Variants in DNAJB12 observed in about 807,000 individuals in gnomAD.
DNAJB12 encodes DnaJ heat shock protein family (Hsp40) member B12.
In DNAJB12, 14 loss-of-function variants were observed where a neutral mutation model predicts 40.6. The ratio of observed to expected loss-of-function variants is 0.34; its 90% CI spans 0.23 to 0.54. DNAJB12 has a LOEUF of 0.54. Among genes scored for constraint, DNAJB12 ranks in the 20% least tolerant of loss-of-function variants. The pLI, the probability that DNAJB12 is intolerant of heterozygous loss-of-function variation, is 0.92. For synonymous variants in DNAJB12, 181 were observed against 199.5 expected, an observed-to-expected ratio of 0.91 and a Z score of 0.78; for missense variants, 444 against 501.7, an observed-to-expected ratio of 0.89 and a Z score of 1.10.
intron 1 of DNAJB12, among the ~76,000 whole-genome samples, chr10:72,351,475 C>T (rs1026121915): frequency 6.6e-6 from 1 of 152,258 alleles, no homozygotes; most frequent in African/African-American, 2.4e-5. Context: ...CAAGACCATC[C>T]TCTGCCCATG....
intron 2 of DNAJB12, among the ~76,000 whole-genome samples, chr10:72,344,682 G>C (rs576502583): frequency 1.1e-4 from 16 of 152,372 alleles, no homozygotes; most frequent in Admixed American, 3.9e-4. Flanking sequence ...CAGCGGCAGA[G>C]GAAGCCGGCA....
chr10:72,353,849 T>C (rs532751456), intron 1 of DNAJB12: 2 of 152,332 alleles, frequency 1.3e-5, no homozygotes, highest in South Asian at 4.1e-4. Flanking sequence ...GAGTGCCTGT[T>C]ATTCCCAGAC....
chr10:72,354,655 T>C (rs2132013304), intron 1 of DNAJB12, 110 bp downstream of exon 1: 4 of 1,066,656 alleles, frequency 3.8e-6, no homozygotes, highest in Non-Finnish European at 5.3e-6. Flanking sequence ...TGCGCAGGCG[T>C]AGCCGCGCCT....
intron 1 of DNAJB12, among the ~76,000 whole-genome samples, chr10:72,345,689 A>T (rs888734399): frequency 2.0e-5 from 3 of 151,586 alleles, no homozygotes; most frequent in Admixed American, 2.0e-4. Context: ...CCCGGCCAAC[A>T]TGGTGAAACT....
rs770847039 is a variant in DNAJB12 at position 72,334,284 on chromosome 10, G to A, written c.*364C>T. The A allele has an allele frequency of 9.4e-5, 41 of 438,010 alleles. No homozygotes were observed. Among genetic ancestry groups the A allele is most frequent in the Non-Finnish European group, 1.5e-4 (38 of 246,048 alleles). 27.1% of individuals were successfully genotyped at this position (438,010 alleles called of 1,614,324 possible). On this transcript the variant is annotated 3_prime_UTR_variant, in exon 9 of 9. Coordinates refer to ENST00000444643, the MANE Select transcript of DNAJB12 (RefSeq NM_017626.7). The stretch of plus-strand genomic sequence containing the variant: ...GGCTGGTGGTGGCTCCTGTGAGGGA[G>A]GAAAGGCAGCTGGGTGCCCCCTCCC...
chr10:72,340,706 G>A, intron 5 of DNAJB12, 83 bp downstream of exon 5: 1 of 1,365,266 alleles, frequency 7.3e-7, no homozygotes, highest in Non-Finnish European at 1.0e-6. Context: ...GACAGTGTGG[G>A]AGGGAACACC....
At chr10:72,350,436 G>A (rs113736154) in intron 1 of DNAJB12, among the ~76,000 whole-genome samples, 2 of 142,140 alleles carry the variant, frequency 1.4e-5, no homozygotes, top group Non-Finnish European at 3.1e-5. Context: ...AAGACTGCCC[G>A]ATGGGTTCAA....
intron 1 of DNAJB12, among the ~76,000 whole-genome samples, chr10:72,346,323 C>G (rs1020047776): frequency 6.6e-6 from 1 of 150,894 alleles, no homozygotes; most frequent in African/African-American, 2.4e-5. Context: ...GCCACCACGC[C>G]TGGCTAATTT....
chr10:72,336,999 G>A (rs1861497455), intron 6 of DNAJB12: 1 of 266,612 alleles, frequency 3.8e-6, no homozygotes, highest in East Asian at 7.1e-5. Context: ...GGGAATCTGG[G>A]CTCTGCCTCT....
chr10:72,334,510 C>T lies in DNAJB12; in HGVS notation c.*138G>A. The T allele has an allele frequency of 1.3e-6, 2 of 1,488,204 alleles. No homozygotes were observed. The highest frequency in any genetic ancestry group is 1.8e-6 in the Non-Finnish European group (2 of 1,103,640). The allele number at this position is 1,488,204 out of a possible 1,614,324, so 92.2% of individuals were successfully genotyped here. Reference sequence around the variant, plus strand: ...GAGAGGGCAGCTGTGCAGCGTTCGGCCTCCAATTCCATTTTAATTTTGTTT... The same window carrying T: ...GAGAGGGCAGCTGTGCAGCGTTCGGTCTCCAATTCCATTTTAATTTTGTTT... On this transcript the variant is annotated 3_prime_UTR_variant, in exon 9 of 9. Coordinates refer to ENST00000444643, the MANE Select transcript of DNAJB12 (RefSeq NM_017626.7).
In DNAJB12 at chr10:72,332,904, G is replaced by A. The variant is rs1003364766; in HGVS notation, c.*1744C>T. 2.0e-5 allele frequency: 3 copies of A among 152,352 alleles called. No homozygotes were observed. The highest frequency in any genetic ancestry group is 7.3e-5 in the African/African-American group (3 of 41,316). The allele number at this position is 152,352 out of a possible 1,614,324, so 9.4% of individuals were successfully genotyped here. A position where few individuals can be genotyped will look rare whatever the true frequency, so the allele number is the denominator to read the frequency against. On this transcript the variant is annotated 3_prime_UTR_variant, in exon 9 of 9. Transcript: ENST00000444643. The stretch of plus-strand genomic sequence containing the variant: ...TAATTCAAGAAATACAGCTTCCAGA[G>A]GATCCTTTAGGATCTATGTTCTTAT...
chr10:72,336,216 T>A (rs1861469669), intron 7 of DNAJB12, among the ~76,000 whole-genome samples: 1 of 152,172 alleles, frequency 6.6e-6, no homozygotes, highest in African/African-American at 2.4e-5. Flanking sequence ...AGGAGCACAG[T>A]CAGGGGGTGG....
chr10:72,341,201 G>T, intron 3 of DNAJB12, 31 bp from the exon 4 acceptor site: 1 of 1,586,038 alleles, frequency 6.3e-7, no homozygotes, highest in Non-Finnish European at 8.6e-7. Flanking sequence ...TCAGGCCTGA[G>T]GATCCTGGGG....
chr10:72,343,260 C>A, intron 3 of DNAJB12, 106 bp downstream of exon 3: 1 of 1,441,680 alleles, frequency 6.9e-7, no homozygotes. Context: ...CCCAAGGCCA[C>A]TTCCTCCTGC....
intron 8 of DNAJB12, 179 bp from the exon 9 acceptor site, chr10:72,334,796 C>T: frequency 7.2e-7 from 1 of 1,383,608 alleles, no homozygotes; most frequent in Non-Finnish European, 9.3e-7. Flanking sequence ...GCACAAATGG[C>T]CTCCAGGCAG....
intron 1 of DNAJB12, chr10:72,354,346 C>G (rs902850704): frequency 6.2e-6 from 1 of 160,862 alleles, no homozygotes. Flanking sequence ...CTGTCTAGCG[C>G]CCATTCTCTC....
intron 1 of DNAJB12, among the ~76,000 whole-genome samples, chr10:72,349,340 G>A (rs1370342928): frequency 1.3e-5 from 2 of 152,112 alleles, no homozygotes; most frequent in South Asian, 2.1e-4. Flanking sequence ...CTGGGGAGGA[G>A]GAGGGCTGGG....
At position 72,354,816 on chromosome 10, in the gene DNAJB12, G is replaced by C. The variant is rs766887639; in HGVS notation, c.82C>G (p.Leu28Val). The C allele has an allele frequency of 1.1e-5, 17 of 1,613,868 alleles. No individual in the cohort carries two copies. The change falls in exon 1 of 9, where the codon CTC (leucine) becomes GTC (valine). Residue 28 changes from leucine (L) to valine (V), a missense_variant. By Grantham distance (32) the Leu-to-Val change is conservative (BLOSUM62 1). Transcript: ENST00000444643. ...CGCTGTGCCTTCTCCAGGAAGCGGA[G>C]CGCCCGGTCGGGCTGGTTGCTCTGG... Reference protein sequence around the residue: ...AIQSNQPDRALRFLEKAQRLY... With the variant: ...AIQSNQPDRAVRFLEKAQRLY...
chr10:72,339,647 C>A (rs577933708), intron 5 of DNAJB12, among the ~76,000 whole-genome samples: 1 of 152,160 alleles, frequency 6.6e-6, no homozygotes, highest in Admixed American at 6.5e-5. Context: ...TTAATTTTAG[C>A]CAGCTAGCTG....
Sources: gnomAD v4.1 joint callset for allele counts (sites outside exome capture counted in the v4.1 genomes callset) on GRCh38, gnomAD v4.1.1 for gene constraint, MANE v1.5 for transcripts, NCBI Gene and HGNC (gene_info 2026-07-23, HGNC 2026-07-21) for gene names.